The following ASAP1 variants were observed in gnomAD, a reference collection of about 807,000 sequenced individuals.
ASAP1 encodes arf-GAP with SH3 domain, ANK repeat and PH domain-containing protein 1.
Under a neutral mutation model 145.2 loss-of-function variants are expected in ASAP1, and 43 were observed. The ratio of observed to expected loss-of-function variants is 0.30; its 90% CI spans 0.23 to 0.38. The LOEUF (loss-of-function observed/expected upper bound fraction) is 0.38. Among genes scored for constraint, ASAP1 ranks in the 10% least tolerant of loss-of-function variants. ASAP1 has a pLI of 1.00. For synonymous variants in ASAP1, 546 were observed against 515.5 expected, an observed-to-expected ratio of 1.06 and a Z score of -0.80; for missense variants, 1,018 against 1,355.3, an observed-to-expected ratio of 0.75 and a Z score of 3.91.
At chr8:130,228,997 G>C (rs1817752389) in intron 4 of ASAP1, among the ~76,000 whole-genome samples, 2 of 152,080 alleles carry the variant, frequency 1.3e-5, no homozygotes, top group African/African-American at 4.8e-5. Context: ...AATTACCCAA[G>C]ACATGGAAGA....
At chr8:130,066,306 T>C (rs2097430544) in intron 27 of ASAP1, among the ~76,000 whole-genome samples, 1 of 152,216 alleles carries the variant, frequency 6.6e-6, no homozygotes, top group South Asian at 2.1e-4. Context: ...CTTGTACTGC[T>C]GGTTTCCACT....
At position 130,169,005 on chromosome 8, in the gene ASAP1, G is replaced by C; in HGVS notation, c.809C>G (p.Ala270Gly). The change falls in exon 10 of 30, where the codon GCT becomes GGT. Residue 270 changes from alanine to glycine, a missense_variant. By Grantham distance (60) the Ala-to-Gly change is moderately conservative (BLOSUM62 0). Coordinates refer to ENST00000518721, the MANE Select transcript of ASAP1 (RefSeq NM_018482.4). ...KLKQYIEKLA[A>G]DLYNIKQTQD... is the part of the protein sequence containing the mutation. ...TAAAGAACTTACATTATATAAATCA[G>C]CAGCCAGTTTTTCAATGTACTGTTT... 6.4e-7 allele frequency: 1 copy of C among 1,571,702 alleles called. No homozygotes were observed.
At chr8:130,187,188 C>T (rs752552142) in intron 7 of ASAP1, 48 bp downstream of exon 7, 1 of 1,508,874 alleles carries the variant, frequency 6.6e-7, no homozygotes, top group East Asian at 2.3e-5. Flanking sequence ...CCAAAATTCA[C>T]AACAATATTA....
At chr8:130,222,576 C>T (rs1406766632) in intron 4 of ASAP1, among the ~76,000 whole-genome samples, 1 of 152,090 alleles carries the variant, frequency 6.6e-6, no homozygotes, top group African/African-American at 2.4e-5. Flanking sequence ...ATATTGTGTG[C>T]CACAATATCT....
chr8:130,068,919 C>T (rs907225704), intron 27 of ASAP1, among the ~76,000 whole-genome samples: 7 of 152,168 alleles, frequency 4.6e-5, no homozygotes, highest in African/African-American at 1.7e-4. Context: ...ATTACTCCTA[C>T]AGAAATGAAC....
At chr8:130,127,253 G>A (rs1369578602) in intron 16 of ASAP1, among the ~76,000 whole-genome samples, 1 of 152,166 alleles carries the variant, frequency 6.6e-6, no homozygotes, top group Non-Finnish European at 1.5e-5. Flanking sequence ...GTCTCGCTCT[G>A]TCGCCCAGGC....
rs545564092 is a variant in ASAP1, at chr8:130,079,057, C to G, written c.2642+845G>C. ...AAAAAATAAAAAAATCAGCTGAGTA[C>G]AGTGATGCATGCCTCTGGTTCCAGC... is the stretch of plus-strand genomic sequence containing the variant. On this transcript the variant is annotated intron_variant, in intron 26 of 29. Coordinates refer to ENST00000518721, the MANE Select transcript of ASAP1 (RefSeq NM_018482.4). Among the ~76,000 whole-genome samples the G allele has an allele frequency of 2.0e-5, 3 of 152,122 alleles. No individual in the cohort carries two copies. The East Asian group carries it at 5.8e-4, about 29-fold the overall frequency.
rs775979019 is a variant in ASAP1, at chr8:130,060,808, T to C, written c.2963A>G (p.Asp988Gly). The change falls in exon 28 of 30, where the codon GAC becomes GGC. Residue 988 changes from aspartate (D) to glycine (G), a missense_variant. Coordinates refer to ENST00000518721, the MANE Select transcript of ASAP1 (RefSeq NM_018482.4). The stretch of plus-strand genomic sequence containing the variant: ...TCCCAGCTGTGGTTTGGGGGGCAGG[T>C]CCTTCATCTGTGGTTTGGGAGGTAA... ...SDLPPKPQMK[D>G]LPPKPQLGDL... 2.5e-6 allele frequency: 4 copies of C among 1,614,070 alleles called. No individual in the cohort carries two copies. Among genetic ancestry groups the C allele is most frequent in the Non-Finnish European group, 3.4e-6 (4 of 1,180,016 alleles).
chr8:130,174,672 C>T (rs1306084906), intron 9 of ASAP1, among the ~76,000 whole-genome samples: 2 of 152,228 alleles, frequency 1.3e-5, no homozygotes, highest in East Asian at 3.8e-4. Flanking sequence ...TTTAATCAAT[C>T]ATGCCTATGT....
In ASAP1 at chr8:130,196,626, T is replaced by C. The variant is rs1815509340; in HGVS notation, c.406-8443A>G. On this transcript the variant is annotated intron_variant, in intron 5 of 29. Coordinates refer to ENST00000518721, the MANE Select transcript of ASAP1 (RefSeq NM_018482.4). The stretch of plus-strand genomic sequence containing the variant: ...ATGCACACAAGACTGTATTAATTAA[T>C]GAGGACATAATTTGCTTGCTTTGTC... Among the ~76,000 whole-genome samples the C allele has an allele frequency of 2.0e-5, 3 of 152,382 alleles. No homozygotes were observed. The South Asian group carries it at 6.2e-4, about 32-fold the overall frequency.
chr8:130,151,128 T>C (rs933835119), intron 13 of ASAP1, among the ~76,000 whole-genome samples: 3 of 151,840 alleles, frequency 2.0e-5, no homozygotes, highest in African/African-American at 7.3e-5. Context: ...ATCCCAGCAC[T>C]TTGGGAGGCC....
intron 1 of ASAP1, among the ~76,000 whole-genome samples, chr8:130,405,386 C>A (rs1482894736): frequency 6.6e-6 from 1 of 152,224 alleles, no homozygotes; most frequent in Non-Finnish European, 1.5e-5. Context: ...GCTTCCTCTG[C>A]ATAAATCATA....
chr8:130,326,061 G>T (rs914330921), intron 3 of ASAP1, among the ~76,000 whole-genome samples: 1 of 152,132 alleles, frequency 6.6e-6, no homozygotes, highest in Admixed American at 6.5e-5. Context: ...AGGTCTTTTT[G>T]ACTCCACAGC....
intron 3 of ASAP1, among the ~76,000 whole-genome samples, chr8:130,276,687 AACACACACACACACAC>A (rs1161892776): frequency 1.5e-4 from 14 of 91,624 alleles, no homozygotes; most frequent in South Asian, 4.6e-4. Context: ...CAAGACTGCA[AACACACACACACACAC>A]ACACACACAC....
At chr8:130,155,551 T>C (rs949091086) in intron 12 of ASAP1, among the ~76,000 whole-genome samples, 1 of 152,038 alleles carries the variant, frequency 6.6e-6, no homozygotes, top group Admixed American at 6.5e-5. Context: ...AGAGATAGGG[T>C]TTTGCCATGT....
At chr8:130,140,911 C>A (rs951428319) in intron 13 of ASAP1, among the ~76,000 whole-genome samples, 1 of 152,174 alleles carries the variant, frequency 6.6e-6, no homozygotes, top group Non-Finnish European at 1.5e-5. Context: ...AGTCCAAAAA[C>A]CAAGGCATTT....
intron 18 of ASAP1, 38 bp from the exon 19 acceptor site, chr8:130,118,713 G>A: frequency 7.4e-7 from 1 of 1,345,788 alleles, no homozygotes; most frequent in Non-Finnish European, 9.8e-7. Context: ...TATTTTCCAA[G>A]TGCTAGGAAA....
At chr8:130,402,143 C>T (rs1248802439) in intron 1 of ASAP1, among the ~76,000 whole-genome samples, 173 bp from the exon 2 acceptor site, 1 of 152,214 alleles carries the variant, frequency 6.6e-6, no homozygotes, top group Non-Finnish European at 1.5e-5. Context: ...TTTCAGCTTC[C>T]TATGGTGGGG....
At chr8:130,136,877 G>T in intron 14 of ASAP1, 74 bp downstream of exon 14, 1 of 1,276,688 alleles carries the variant, frequency 7.8e-7, no homozygotes, top group Non-Finnish European at 1.1e-6. Context: ...TGGAAAAGCT[G>T]CTGACCTGGA....
Sources: gnomAD v4.1 joint callset for allele counts (sites outside exome capture counted in the v4.1 genomes callset) on GRCh38, gnomAD v4.1.1 for gene constraint, MANE v1.5 for transcripts, NCBI Gene and HGNC (gene_info 2026-07-23, HGNC 2026-07-21) for gene names.